The following SRD5A2 variants were observed in gnomAD, a reference collection of about 807,000 sequenced individuals.
The protein encoded by SRD5A2 is steroid 5 alpha-reductase 2.
SRD5A2 carries 30 observed loss-of-function variants against 27.4 expected under a neutral mutation model. The observed-to-expected ratio is 1.10, with a 90% CI of 0.82 to 1.49. SRD5A2 has a LOEUF of 1.49. SRD5A2 is among the 40% of genes most tolerant of loss of function. SRD5A2 has a pLI of 0.00. For missense variants in SRD5A2, 348 were observed against 323.4 expected (o/e 1.08, Z -0.58); for synonymous variants, 141 against 133.6 (o/e 1.06, Z -0.38).
the SRD5A2 span, chr2:31,651,247 T>C: frequency 2.0e-5 from 3 of 152,228 alleles, no homozygotes; most frequent in Non-Finnish European, 4.4e-5. Context: ...AAGACCATTA[T>C]GGAACAGGAA....
intron 1 of SRD5A2, among the ~76,000 whole-genome samples, chr2:31,539,366 G>T (rs1226574244): frequency 6.6e-6 from 1 of 152,158 alleles, no homozygotes; most frequent in East Asian, 1.9e-4. Context: ...GGAAAAACCA[G>T]AAAGACAAAA....
chr2:31,588,800 G>A, the SRD5A2 span, among the ~76,000 whole-genome samples: 2 of 152,044 alleles, frequency 1.3e-5, no homozygotes, highest in Admixed American at 1.3e-4. Context: ...TAAATAGAAA[G>A]ACAAAACAAC....
chr2:31,539,243 C>A (rs1666083830), intron 1 of SRD5A2, among the ~76,000 whole-genome samples: 1 of 152,062 alleles, frequency 6.6e-6, no homozygotes, highest in African/African-American at 2.4e-5. Flanking sequence ...TTCATTTTGC[C>A]TCATATATTC....
At chr2:31,620,901 G>C in the SRD5A2 span, among the ~76,000 whole-genome samples, 1 of 145,892 alleles carries the variant, frequency 6.9e-6, no homozygotes, top group Non-Finnish European at 1.5e-5. Flanking sequence ...CATTATATTT[G>C]CTATCTGACC....
At chr2:31,557,841 T>G (rs945301811) in intron 1 of SRD5A2, among the ~76,000 whole-genome samples, 4 of 152,208 alleles carry the variant, frequency 2.6e-5, no homozygotes, top group Non-Finnish European at 4.4e-5. Flanking sequence ...AAGGAACTCA[T>G]CACGAAAGCA....
At chr2:31,556,456 T>C (rs1483066517) in intron 1 of SRD5A2, among the ~76,000 whole-genome samples, 4 of 152,206 alleles carry the variant, frequency 2.6e-5, no homozygotes, top group Non-Finnish European at 5.9e-5. Flanking sequence ...TGTGACTACA[T>C]TAAGAATCCT....
chr2:31,603,721 G>A, the SRD5A2 span, among the ~76,000 whole-genome samples: 2 of 151,894 alleles, frequency 1.3e-5, no homozygotes, highest in Non-Finnish European at 2.9e-5. Context: ...CCATAAAAAG[G>A]AATGAGACCA....
the SRD5A2 span, among the ~76,000 whole-genome samples, chr2:31,599,362 AT>A: frequency 2.2e-4 from 33 of 152,152 alleles, no homozygotes; most frequent in African/African-American, 7.5e-4. Flanking sequence ...AATATACTTT[AT>A]TTTCCTCAGC....
At chr2:31,578,568 T>C (rs1667007145) in intron 1 of SRD5A2, among the ~76,000 whole-genome samples, 1 of 152,128 alleles carries the variant, frequency 6.6e-6, no homozygotes. Context: ...TAATAACAGA[T>C]CACACACTCC....
intron 1 of SRD5A2, among the ~76,000 whole-genome samples, chr2:31,546,912 C>T (rs1272964591): frequency 6.6e-6 from 1 of 152,152 alleles, no homozygotes; most frequent in Non-Finnish European, 1.5e-5. Context: ...GCCTGACCAA[C>T]ATGGAGAAAC....
chr2:31,542,076 A>T (rs1199939336), intron 1 of SRD5A2, among the ~76,000 whole-genome samples: 2 of 152,196 alleles, frequency 1.3e-5, no homozygotes, highest in Non-Finnish European at 2.9e-5. Context: ...TGAACATTGG[A>T]CACCAGCCAG....
rs774973043 is a variant in SRD5A2, at chr2:31,580,697, G to A, written c.204C>T (p.Leu68=). The part of the protein sequence containing the change: ...LPSFAVPAGI[L]ARQPLSLFGP... ...CGAAGAGGGAGAGGGGCTGCCGGGCGAGGATCCCCGCGGGCACCGCGAAGG... is the reference window on the plus strand; with the variant it reads ...CGAAGAGGGAGAGGGGCTGCCGGGCAAGGATCCCCGCGGGCACCGCGAAGG... Residue 68 remains leucine (L), a synonymous_variant, in exon 1 of 5, where the codon CTC becomes CTT. Coordinates refer to ENST00000622030, the MANE Select transcript of SRD5A2 (RefSeq NM_000348.4). The A allele has an allele frequency of 3.1e-6, 5 of 1,602,400 alleles. No individual in the cohort carries two copies. Among genetic ancestry groups the A allele is most frequent in the Non-Finnish European group, 4.2e-6 (5 of 1,178,618 alleles).
the SRD5A2 span, among the ~76,000 whole-genome samples, chr2:31,594,052 A>G: frequency 2.0e-5 from 3 of 152,366 alleles, no homozygotes; most frequent in Admixed American, 1.3e-4. Context: ...AGAAATTCTA[A>G]ATATTGAAAC....
upstream of SRD5A2, among the ~76,000 whole-genome samples, chr2:31,581,609 G>A (rs987060046): frequency 2.6e-5 from 4 of 152,130 alleles, no homozygotes; most frequent in Non-Finnish European, 5.9e-5. Flanking sequence ...TCCCTGAGCC[G>A]CCTGCCTGGG....
chr2:31,646,836 A>T, the SRD5A2 span, among the ~76,000 whole-genome samples: 1 of 152,168 alleles, frequency 6.6e-6, no homozygotes, highest in African/African-American at 2.4e-5. Flanking sequence ...AACAAAACAA[A>T]ACAAAGCAAA....
the SRD5A2 span, among the ~76,000 whole-genome samples, chr2:31,587,872 C>A: frequency 2.6e-5 from 4 of 152,050 alleles, no homozygotes; most frequent in Admixed American, 2.0e-4. Context: ...ATGTAACAAA[C>A]CTGTATGTTC....
intron 1 of SRD5A2, among the ~76,000 whole-genome samples, chr2:31,539,302 G>A (rs1666085548): frequency 6.6e-6 from 1 of 152,102 alleles, no homozygotes; most frequent in African/African-American, 2.4e-5. Context: ...AACCATCACA[G>A]ATCAAAAAGG....
intron 1 of SRD5A2, among the ~76,000 whole-genome samples, chr2:31,549,494 G>T (rs894993409): frequency 4.6e-5 from 7 of 152,064 alleles, no homozygotes; most frequent in Non-Finnish European, 8.8e-5. Flanking sequence ...TGTATTTAAT[G>T]TCACTCAAAA....
intron 1 of SRD5A2, among the ~76,000 whole-genome samples, chr2:31,537,325 G>A (rs1282801723): frequency 6.6e-6 from 1 of 151,944 alleles, no homozygotes; most frequent in Non-Finnish European, 1.5e-5. Flanking sequence ...AGCAACTCCA[G>A]AGAGTTGCTT....
Sources: gnomAD v4.1 joint callset for allele counts (sites outside exome capture counted in the v4.1 genomes callset) on GRCh38, gnomAD v4.1.1 for gene constraint, MANE v1.5 for transcripts, NCBI Gene and HGNC (gene_info 2026-07-23, HGNC 2026-07-21) for gene names.